Variants in BRCA1 observed in about 807,000 individuals in gnomAD.
The protein encoded by BRCA1 is breast cancer type 1 susceptibility protein.
In BRCA1, 140 loss-of-function variants were observed where a neutral mutation model predicts 173.7. The ratio of observed to expected loss-of-function variants is 0.81; its 90% CI spans 0.70 to 0.93. The LOEUF (loss-of-function observed/expected upper bound fraction) is 0.93. Among genes scored for constraint, BRCA1 ranks in the 40% least tolerant of loss-of-function variants. The probability of loss-of-function intolerance (pLI) is 0.00; values close to 1 mark genes in which losing one functional copy is unlikely to be tolerated. For missense variants in BRCA1, 1,983 were observed against 2,172.5 expected (o/e 0.91, Z 1.73); for synonymous variants, 662 against 756.0 (o/e 0.88, Z 2.04).
intron 16 of BRCA1, 50 bp downstream of exon 16, chr17:43,067,558 G>T (rs1435440890): frequency 1.4e-6 from 2 of 1,480,638 alleles, no homozygotes; most frequent in African/African-American, 2.8e-5. Context: ...CTCGCCTCAT[G>T]TGGTTTTATG....
chr17:43,110,062 C>T (rs140092494), intron 3 of BRCA1, among the ~76,000 whole-genome samples: 1 of 152,070 alleles, frequency 6.6e-6, no homozygotes, highest in Non-Finnish European at 1.5e-5. Flanking sequence ...GCCTGGCTAA[C>T]TTTTTGTAAT....
At chr17:43,060,663 A>G (rs1297066876) in intron 18 of BRCA1, among the ~76,000 whole-genome samples, 1 of 143,854 alleles carries the variant, frequency 7.0e-6, no homozygotes, top group African/African-American at 2.6e-5. Flanking sequence ...ACACCACCAC[A>G]CCATGCTAGT....
chr17:43,151,418 A>G (rs527759734), intron 1 of BRCA1, among the ~76,000 whole-genome samples: 1 of 152,254 alleles, frequency 6.6e-6, no homozygotes, highest in Admixed American at 6.5e-5. Context: ...CATCTCTACT[A>G]AAAATACAAA....
intron 16 of BRCA1, among the ~76,000 whole-genome samples, chr17:43,065,459 G>A (rs1448073897): frequency 2.3e-4 from 35 of 151,976 alleles, no homozygotes; most frequent in Admixed American, 2.2e-3. Context: ...ACCTGAGGTC[G>A]GGAGTCCAAG....
At chr17:43,062,594 G>A (rs531532120) in intron 18 of BRCA1, among the ~76,000 whole-genome samples, 1 of 151,862 alleles carries the variant, frequency 6.6e-6, no homozygotes, top group African/African-American at 2.4e-5. Flanking sequence ...CCTGGTTTGC[G>A]CTGCAAAATT....
intron 3 of BRCA1, among the ~76,000 whole-genome samples, chr17:43,108,161 A>C (rs1353061439): frequency 6.6e-6 from 1 of 152,042 alleles, no homozygotes; most frequent in African/African-American, 2.4e-5. Flanking sequence ...AACATGGTGA[A>C]ACCCTGTCTC....
In BRCA1 at chr17:43,100,676, ATAATATATATAT is replaced by A. The variant is rs1481687629; in HGVS notation, c.442-808_442-797del. Among the ~76,000 whole-genome samples the A allele has an allele frequency of 5.0e-4, 14 of 27,900 alleles. 2 individuals carry two copies. In the South Asian group the frequency reaches 7.6e-3, roughly 15 times the overall value. The allele number at this position is 27,900 out of a possible 152,430, so 18.3% of individuals were successfully genotyped here. On this transcript the variant is annotated intron_variant, in intron 6 of 22. Transcript: ENST00000357654. ...ATATAACATATATATATATATATAT[ATAATATATATAT>A]ATATATATATATATGTAATCCCAGC...
At chr17:43,073,290 C>T (rs1279174162) in intron 14 of BRCA1, among the ~76,000 whole-genome samples, 1 of 152,008 alleles carries the variant, frequency 6.6e-6, no homozygotes, top group Non-Finnish European at 1.5e-5. Context: ...ATTTTTGTTT[C>T]TTCATCCAAG....
At chr17:43,064,882 G>A (rs1278991343) in intron 16 of BRCA1, among the ~76,000 whole-genome samples, 2 of 143,894 alleles carry the variant, frequency 1.4e-5, no homozygotes, top group African/African-American at 5.3e-5. Flanking sequence ...CCAGGCTGGA[G>A]TGCAGTGGCT....
intron 16 of BRCA1, among the ~76,000 whole-genome samples, chr17:43,065,246 A>G (rs2052013714): frequency 6.6e-6 from 1 of 152,204 alleles, no homozygotes; most frequent in Admixed American, 6.5e-5. Context: ...CCTGGCTCCA[A>G]TGAACACTAC....
At chr17:43,057,815 A>G (rs996545966) in intron 18 of BRCA1, among the ~76,000 whole-genome samples, 2 of 150,500 alleles carry the variant, frequency 1.3e-5, no homozygotes, top group African/African-American at 4.9e-5. Flanking sequence ...CAGCCTGGGC[A>G]ACTGAGCGAG....
At chr17:43,052,084 C>G (rs1437514883) in intron 19 of BRCA1, among the ~76,000 whole-genome samples, 1 of 152,088 alleles carries the variant, frequency 6.6e-6, no homozygotes. Flanking sequence ...GTCTGACTAC[C>G]TGGTTTCCTG....
At chr17:43,090,269 G>A (rs2053397694) in intron 11 of BRCA1, among the ~76,000 whole-genome samples, 1 of 152,118 alleles carries the variant, frequency 6.6e-6, no homozygotes, top group Non-Finnish European at 1.5e-5. Flanking sequence ...TTCTTAAAAT[G>A]GAGCTATGCA....
At chr17:43,050,470 G>A (rs908347891) in intron 20 of BRCA1, among the ~76,000 whole-genome samples, 2 of 151,830 alleles carry the variant, frequency 1.3e-5, no homozygotes, top group African/African-American at 2.4e-5. Flanking sequence ...AAAATTAGTC[G>A]GGCGTGGTGG....
intron 12 of BRCA1, among the ~76,000 whole-genome samples, chr17:43,077,739 A>G (rs1389598312): frequency 4.0e-5 from 5 of 125,958 alleles, no homozygotes; most frequent in Admixed American, 8.5e-5. Context: ...ATTTTTATTT[A>G]TTTATTTTTT....
chr17:43,101,790 C>T (rs2054487935), intron 6 of BRCA1, among the ~76,000 whole-genome samples: 1 of 152,030 alleles, frequency 6.6e-6, no homozygotes, highest in South Asian at 2.1e-4. Flanking sequence ...GTGCAAGCTA[C>T]TACGCCCAGC....
intron 1 of BRCA1, among the ~76,000 whole-genome samples, chr17:43,146,098 A>T (rs2154581527): frequency 6.6e-6 from 1 of 152,178 alleles, no homozygotes; most frequent in South Asian, 2.1e-4. Flanking sequence ...TGTTATTGTG[A>T]AGTGAAATAC....
chr17:43,143,412 C>T (rs758198606), intron 1 of BRCA1, among the ~76,000 whole-genome samples: 1 of 152,174 alleles, frequency 6.6e-6, no homozygotes, highest in Non-Finnish European at 1.5e-5. Context: ...GGGCGGCTCA[C>T]TTTGCTTAGA....
intron 15 of BRCA1, among the ~76,000 whole-genome samples, chr17:43,068,054 G>A (rs1347099711): frequency 2.0e-5 from 3 of 151,852 alleles, no homozygotes; most frequent in African/African-American, 7.3e-5. Context: ...GAGGCGGGCA[G>A]ATCACAAGGT....
Sources: allele counts gnomAD v4.1 joint callset (sites outside exome capture counted in the v4.1 genomes callset), GRCh38; gene constraint gnomAD v4.1.1; transcripts MANE v1.5; gene names NCBI Gene and HGNC (gene_info 2026-07-23, HGNC 2026-07-21).